The following BCL11B variants were observed in gnomAD, a reference collection of about 807,000 sequenced individuals.
BCL11B encodes the protein B-cell lymphoma/leukemia 11B.
BCL11B carries 8 observed loss-of-function variants against 49.9 expected under a neutral mutation model. The ratio of observed to expected loss-of-function variants is 0.16; its 90% CI spans 0.09 to 0.29. The LOEUF is 0.29. Among genes scored for constraint, BCL11B ranks in the 10% least tolerant of loss-of-function variants. The pLI, the probability that BCL11B is intolerant of heterozygous loss-of-function variation, is 1.00. For synonymous variants in BCL11B, 739 were observed against 637.4 expected (o/e 1.16, Z -2.40); for missense variants, 1,006 against 1,351.0 (o/e 0.74, Z 4.00).
chr14:99,191,504 G>C (rs2139797947), intron 3 of BCL11B, among the ~76,000 whole-genome samples: 1 of 152,078 alleles, frequency 6.6e-6, no homozygotes, highest in East Asian at 1.9e-4. Flanking sequence ...AGAAGAGGAG[G>C]GGCCCACACC....
chr14:99,174,750 G>T lies in BCL11B; in HGVS notation c.2086C>A (p.Leu696Met). 6.6e-7 allele frequency: 1 copy of T among 1,513,592 alleles called. No individual in the cohort carries two copies. 93.8% of individuals were successfully genotyped at this position (1,513,592 alleles called of 1,614,324 possible). Residue 696 changes from leucine (L) to methionine (M), a missense_variant, in exon 4 of 4, where the codon CTG becomes ATG. Leu to Met is a conservative substitution (Grantham distance 15). Coordinates refer to ENST00000357195, the MANE Select transcript of BCL11B (RefSeq NM_138576.4). ...KRIKVEKDLELPPAALIPSEN... is the reference protein window; with the variant it reads ...KRIKVEKDLEMPPAALIPSEN... ...GACGGGATGAGCGCGGCGGGCGGCA[G>T]CTCCAGGTCCTTCTCCACCTTGATG...
rs761771538 is a variant in BCL11B at position 99,257,802 on chromosome 14, T to G, written c.96A>C (p.Glu32Asp). 2 of 1,557,598 alleles carry G rather than the reference T, an allele frequency of 1.3e-6. No individual in the cohort carries two copies. The highest frequency in any genetic ancestry group is 1.7e-6 in the Non-Finnish European group (2 of 1,149,790). ...ADHVEAAILE[E>D]DEGLEIEEPS... Reference sequence around the variant, plus strand: ...GCTCCTCTATCTCCAGACCCTCGTCTTCTTCGAGGATGGCGGCCTCCACAT... The same window carrying G: ...GCTCCTCTATCTCCAGACCCTCGTCGTCTTCGAGGATGGCGGCCTCCACAT... The change falls in exon 2 of 4, where the codon GAA becomes GAC. Residue 32 changes from glutamate to aspartate, a missense_variant. Around this residue, in one of 6 missense-constraint regions of BCL11B, gnomAD observed 411 missense variants for 542.2 expected, o/e 0.76. Transcript: ENST00000357195. This position sits in a 1 kb window ranked among gnomAD's most constrained non-coding sequence, Gnocchi z 6.2.
chr14:99,175,605 G>C lies in BCL11B; in HGVS notation c.1231C>G (p.Pro411Ala). 2 of 1,563,416 alleles carry C rather than the reference G, an allele frequency of 1.3e-6. No individual in the cohort carries two copies. Among genetic ancestry groups the C allele is most frequent in the Non-Finnish European group, 1.7e-6 (2 of 1,161,150 alleles). The change falls in exon 4 of 4, where the codon CCC becomes GCC. Residue 411 changes from proline to alanine, a missense_variant. Physicochemically the swap from Pro to Ala is conservative, Grantham distance 27 (BLOSUM62 -1). This residue lies in a region of BCL11B where 97 missense variants were observed against 81.5 expected (regional missense o/e 1.19). Coordinates refer to ENST00000357195, the MANE Select transcript of BCL11B (RefSeq NM_138576.4). ...SPFLSTPPLP[P>A]MPPGGTPPPQ... The stretch of plus-strand genomic sequence containing the variant: ...GGCGGCGTGCCGCCAGGGGGCATGG[G>C]CGGCAGCGGCGGCGTGCTCAGGAAC...
rs1888044575 is a variant in BCL11B, at chr14:99,222,656, C to A, written c.640+8689G>T. 2.6e-5 allele frequency among the ~76,000 whole-genome samples: 4 copies of A among 152,130 alleles called. No individual in the cohort carries two copies. The South Asian group carries it at 8.3e-4, about 32-fold the overall frequency. ...TCGGTGACTTTGTTTCCCTCTATGTCCAGCCAGGGCTGGAGGAAGCTTGTT... is the reference window on the plus strand; with the variant it reads ...TCGGTGACTTTGTTTCCCTCTATGTACAGCCAGGGCTGGAGGAAGCTTGTT... On this transcript the variant is annotated intron_variant, in intron 3 of 3. Coordinates refer to ENST00000357195, the MANE Select transcript of BCL11B (RefSeq NM_138576.4).
At chr14:99,187,544 G>C (rs1886889529) in intron 3 of BCL11B, among the ~76,000 whole-genome samples, 1 of 151,566 alleles carries the variant, frequency 6.6e-6, no homozygotes, top group Non-Finnish European at 1.5e-5. Context: ...AGAGTTTTCT[G>C]AAAGGATTCT....
intron 1 of BCL11B, among the ~76,000 whole-genome samples, chr14:99,263,959 G>A (rs749368896): frequency 1.6e-4 from 24 of 152,176 alleles, no homozygotes; most frequent in Non-Finnish European, 3.1e-4. Flanking sequence ...TAAAGAAAAA[G>A]AAAAGGAAAA....
intron 2 of BCL11B, among the ~76,000 whole-genome samples, chr14:99,244,260 T>A (rs1888757686): frequency 6.6e-6 from 1 of 151,724 alleles, no homozygotes; most frequent in Non-Finnish European, 1.5e-5. Flanking sequence ...CAACCACAGG[T>A]TACCTGTCTT....
At chr14:99,216,580 T>C (rs77393152) in intron 3 of BCL11B, among the ~76,000 whole-genome samples, 339 of 151,634 alleles carry the variant, frequency 2.2e-3, no homozygotes, top group African/African-American at 8.0e-3. Context: ...CCCCAGGAGG[T>C]ACTAAGAAGG....
rs1173867089 is a variant in BCL11B at position 99,173,792 on chromosome 14, G to A, written c.*359C>T. The A allele has an allele frequency of 1.3e-5, 4 of 315,316 alleles. No homozygotes were observed. The highest frequency in any genetic ancestry group is 2.4e-5 in the Non-Finnish European group (4 of 169,628). The allele number at this position is 315,316 out of a possible 1,614,324, so 19.5% of individuals were successfully genotyped here. The stretch of plus-strand genomic sequence containing the variant: ...ACATTGCTTGCGAGTCATTGCTCAG[G>A]CTACTACCGGGTTAAAAAAAAAACA... On this transcript the variant is annotated 3_prime_UTR_variant, in exon 4 of 4. Transcript: ENST00000357195.
intron 2 of BCL11B, among the ~76,000 whole-genome samples, chr14:99,240,328 T>C (rs1172898189): frequency 6.6e-6 from 1 of 152,214 alleles, no homozygotes; most frequent in Non-Finnish European, 1.5e-5. Context: ...ATAAAAAAAA[T>C]ACAGCTCTCC....
In BCL11B at chr14:99,171,265, AT is replaced by A. The variant is rs1416756349; in HGVS notation, c.*2885del. ...AACTAAATGATTTGTGAACCAAAGC[AT>A]TTAACTACTTCCTTTTGTTTCTTTT... On this transcript the variant is annotated 3_prime_UTR_variant, in exon 4 of 4. Coordinates refer to ENST00000357195, the MANE Select transcript of BCL11B (RefSeq NM_138576.4). 2 of 226,764 alleles carry A rather than the reference AT, an allele frequency of 8.8e-6. No individual in the cohort carries two copies. The highest frequency in any genetic ancestry group is 4.4e-5 in the African/African-American group (2 of 44,966). 14.0% of individuals were successfully genotyped at this position (226,764 alleles called of 1,614,324 possible). A position where few individuals can be genotyped will look rare whatever the true frequency, so the allele number is the denominator to read the frequency against.
chr14:99,266,988 T>G (rs1302467900), intron 1 of BCL11B, among the ~76,000 whole-genome samples: 3 of 152,220 alleles, frequency 2.0e-5, no homozygotes, highest in Non-Finnish European at 4.4e-5. Context: ...GACTGTTTTC[T>G]GTGCTTCCGT....
In BCL11B at chr14:99,231,467, G is replaced by T; in HGVS notation, c.518C>A (p.Ala173Asp). ...HSSVITSPLR[A>D]LGALPPCLPL... is the part of the protein sequence containing the mutation. The stretch of plus-strand genomic sequence containing the variant: ...GAGGCAGGGCGGGAGAGCGCCCAGG[G>T]CACGCAGAGGTGAAGTGATCACGGA... The change falls in exon 3 of 4, where the codon GCC (alanine) becomes GAC (aspartate). Residue 173 changes from alanine to aspartate, a missense_variant. This residue lies in a region of BCL11B where 411 missense variants were observed against 542.2 expected (regional missense o/e 0.76). Coordinates refer to ENST00000357195, the MANE Select transcript of BCL11B (RefSeq NM_138576.4). This position sits in a 1 kb window ranked among gnomAD's most constrained non-coding sequence, Gnocchi z 8.1. 6.3e-7 allele frequency: 1 copy of T among 1,599,494 alleles called. No individual in the cohort carries two copies.
Position 99,248,227 on chromosome 14 carries a change from C to G in BCL11B, c.427+9244G>C, listed in dbSNP as rs995744637. ...CTCCTTTCTGAGACACCCCAGGGCCCTCCAGACCAAAACCAGCGGACCAGC... is the reference window on the plus strand; with the variant it reads ...CTCCTTTCTGAGACACCCCAGGGCCGTCCAGACCAAAACCAGCGGACCAGC... On this transcript the variant is annotated intron_variant, in intron 2 of 3. Coordinates refer to ENST00000357195, the MANE Select transcript of BCL11B (RefSeq NM_138576.4). This position sits in a 1 kb window ranked among gnomAD's most constrained non-coding sequence, Gnocchi z 4.7. Among the ~76,000 whole-genome samples, 2 of 152,144 alleles carry G rather than the reference C, an allele frequency of 1.3e-5. No homozygotes were observed. The highest frequency in any genetic ancestry group is 4.8e-5 in the African/African-American group (2 of 41,414).
At position 99,175,691 on chromosome 14, in the gene BCL11B, G is replaced by A. The variant is rs1886491973; in HGVS notation, c.1145C>T (p.Pro382Leu). The A allele has an allele frequency of 1.3e-6, 2 of 1,520,906 alleles. No homozygotes were observed. The highest frequency in any genetic ancestry group is 1.7e-6 in the Non-Finnish European group (2 of 1,148,858). The allele number at this position is 1,520,906 out of a possible 1,614,324, so 94.2% of individuals were successfully genotyped here. The change falls in exon 4 of 4, where the codon CCG becomes CTG. Residue 382 changes from proline to leucine, a missense_variant. Transcript: ENST00000357195. ...GNSSTPPPVS[P>L]GRGNPMHRLL... The stretch of plus-strand genomic sequence containing the variant: ...CCGGTGCATAGGGTTGCCGCGGCCC[G>A]GGGACACGGGCGGCGGCGTGGAGCT...
intron 1 of BCL11B, among the ~76,000 whole-genome samples, chr14:99,267,787 T>A (rs1341651165): frequency 6.6e-6 from 1 of 152,244 alleles, no homozygotes; most frequent in East Asian, 1.9e-4. Context: ...GGGTCTCTAG[T>A]TGTTTTACAA....
intron 1 of BCL11B, among the ~76,000 whole-genome samples, chr14:99,267,430 G>A (rs1889515335): frequency 6.6e-6 from 1 of 152,022 alleles, no homozygotes; most frequent in African/African-American, 2.4e-5. Flanking sequence ...AATCAGCCTG[G>A]CATAACACCT....
At position 99,172,244 on chromosome 14, in the gene BCL11B, C is replaced by T; in HGVS notation, c.*1907G>A. ...TTGTGTCACTTGAGTTTTAATTCAG[C>T]AGTAAATCACCTCCACTCCATATCT... On this transcript the variant is annotated 3_prime_UTR_variant, in exon 4 of 4. Coordinates refer to ENST00000357195, the MANE Select transcript of BCL11B (RefSeq NM_138576.4). 4.4e-6 allele frequency: 1 copy of T among 225,706 alleles called. No homozygotes were observed. The highest frequency in any genetic ancestry group is 8.8e-6 in the Non-Finnish European group (1 of 113,108). 14.0% of individuals were successfully genotyped at this position (225,706 alleles called of 1,614,324 possible). A position where few individuals can be genotyped will look rare whatever the true frequency, so the allele number is the denominator to read the frequency against.
chr14:99,237,030 C>T (rs1888519537), intron 2 of BCL11B, among the ~76,000 whole-genome samples: 1 of 151,240 alleles, frequency 6.6e-6, no homozygotes, highest in South Asian at 2.1e-4. Flanking sequence ...CTTCTCTCAT[C>T]ATTTGTCTTT....
Sources: allele counts gnomAD v4.1 joint callset (sites outside exome capture counted in the v4.1 genomes callset), GRCh38; gene constraint gnomAD v4.1.1; regional missense constraint gnomAD v4.1.1; non-coding constraint Gnocchi (gnomAD v3.1); transcripts MANE v1.5; gene names NCBI Gene and HGNC (gene_info 2026-07-23, HGNC 2026-07-21).